LGI2: variants seen among roughly 807,000 people sequenced by gnomAD.
LGI2 encodes leucine-rich repeat LGI family member 2.
A neutral mutation model predicts 52.0 loss-of-function variants in LGI2; 30 were observed. The ratio of observed to expected loss-of-function variants is 0.58; its 90% CI spans 0.43 to 0.78. The LOEUF (loss-of-function observed/expected upper bound fraction) is 0.78, where lower values mean the gene tolerates loss of function less well. Among genes scored for constraint, LGI2 ranks in the 30% least tolerant of loss-of-function variants. The pLI, the probability that LGI2 is intolerant of heterozygous loss-of-function variation, is 0.00. For missense variants in LGI2, 573 were observed against 692.5 expected (o/e 0.83, Z 1.94); for synonymous variants, 270 against 271.8 (o/e 0.99, Z 0.06).
chr4:25,007,757 G>A (rs1010201887), intron 7 of LGI2, among the ~76,000 whole-genome samples: 1 of 152,184 alleles, frequency 6.6e-6, no homozygotes, highest in Non-Finnish European at 1.5e-5. Context: ...GGGTGAACAT[G>A]ACCATGGGTT....
chr4:25,006,994 TC>T (rs1290716409), intron 7 of LGI2, among the ~76,000 whole-genome samples: 1 of 150,876 alleles, frequency 6.6e-6, no homozygotes, highest in Non-Finnish European at 1.5e-5. Flanking sequence ...GTGCACATAT[TC>T]AAGTATTCTT....
rs1725241721 is a variant in LGI2 at position 25,001,657 on chromosome 4, A to G, written c.*1794T>C. ...GTATTTTGCAGAAGTTTCAAGTAAC[A>G]ACACTACTATGCGTGGGTGAGTTCG... is the stretch of plus-strand genomic sequence containing the variant. On this transcript the variant is annotated 3_prime_UTR_variant, in exon 8 of 8. Transcript: ENST00000382114. 6.6e-6 allele frequency: 1 copy of G among 152,194 alleles called. No individual in the cohort carries two copies. The highest frequency in any genetic ancestry group is 2.1e-4 in the South Asian group (1 of 4,824). The allele number at this position is 152,194 out of a possible 1,614,324, so 9.4% of individuals were successfully genotyped here. A position where few individuals can be genotyped will look rare whatever the true frequency, so the allele number is the denominator to read the frequency against.
chr4:24,993,100 T>C, the LGI2 span, among the ~76,000 whole-genome samples: 3 of 152,222 alleles, frequency 2.0e-5, no homozygotes, highest in Non-Finnish European at 4.4e-5. Flanking sequence ...TGATTGGACC[T>C]GCCTCACAGA....
At chr4:25,030,476 G>A in intron 1 of LGI2, 21 bp downstream of exon 1, 2 of 1,568,898 alleles carry the variant, frequency 1.3e-6, no homozygotes, top group South Asian at 1.2e-5. Context: ...ACGGGATGGG[G>A]GCTGGAGGGG....
At chr4:25,005,618 C>T (rs1471807028) in intron 7 of LGI2, among the ~76,000 whole-genome samples, 1 of 148,530 alleles carries the variant, frequency 6.7e-6, no homozygotes, top group Non-Finnish European at 1.5e-5. Flanking sequence ...CAGAAGGAGG[C>T]AGTTAAACAG....
downstream of LGI2, among the ~76,000 whole-genome samples, chr4:24,996,766 G>A (rs1014893930): frequency 6.6e-6 from 1 of 152,120 alleles, no homozygotes; most frequent in East Asian, 1.9e-4. Context: ...GATGGTGTGA[G>A]GTAAGGCACA....
chr4:25,019,386 T>A (rs1377400970), intron 4 of LGI2, 148 bp from the exon 5 acceptor site: 2 of 578,692 alleles, frequency 3.5e-6, no homozygotes, highest in Non-Finnish European at 6.1e-6. Context: ...AAATATAACA[T>A]AAGAGATGCT....
chr4:25,019,030 C>G, intron 5 of LGI2, 137 bp downstream of exon 5: 1 of 682,168 alleles, frequency 1.5e-6, no homozygotes, highest in Non-Finnish European at 2.6e-6. Context: ...ATGCTATTTC[C>G]CAGGATGCAC....
intron 3 of LGI2, among the ~76,000 whole-genome samples, chr4:25,025,356 G>A (rs1726111774): frequency 6.6e-6 from 1 of 152,104 alleles, no homozygotes; most frequent in Non-Finnish European, 1.5e-5. Flanking sequence ...TTTTGCTGGG[G>A]GAGAGTTCTA....
intron 7 of LGI2, among the ~76,000 whole-genome samples, chr4:25,010,000 C>T (rs780958216): frequency 4.6e-5 from 7 of 151,934 alleles, no homozygotes; most frequent in African/African-American, 7.3e-5. Flanking sequence ...TCAGAGTAAG[C>T]GTTCAAGAAA....
intron 6 of LGI2, among the ~76,000 whole-genome samples, chr4:25,017,773 A>C (rs73107597): frequency 0.019 from 2,898 of 152,250 alleles, 90 homozygotes; most frequent in African/African-American, 0.066. Flanking sequence ...TAAAGAAGCA[A>C]AAATAAAGCC....
chr4:25,014,872 A>C (rs567105575), intron 6 of LGI2, among the ~76,000 whole-genome samples: 4 of 150,882 alleles, frequency 2.7e-5, no homozygotes, highest in African/African-American at 9.7e-5. Flanking sequence ...AGAGAGAGAG[A>C]ATGAAAAGAA....
downstream of LGI2, among the ~76,000 whole-genome samples, chr4:24,994,439 G>A (rs532968347): frequency 7.2e-5 from 11 of 152,230 alleles, no homozygotes; most frequent in South Asian, 1.7e-3. Context: ...GAGGGAGTCC[G>A]GGAGCACAGT....
chr4:25,017,547 A>C (rs1725814963), intron 6 of LGI2, among the ~76,000 whole-genome samples: 2 of 150,038 alleles, frequency 1.3e-5, no homozygotes, highest in African/African-American at 2.4e-5. Flanking sequence ...GCCTCAAAAA[A>C]AAAAAAAAAA....
At chr4:25,006,495 T>C (rs928154650) in intron 7 of LGI2, among the ~76,000 whole-genome samples, 1 of 152,238 alleles carries the variant, frequency 6.6e-6, no homozygotes, top group African/African-American at 2.4e-5. Context: ...CAGAGTGGCA[T>C]TTACTTTTCT....
chr4:24,999,833 C>T lies in LGI2; in HGVS notation c.*3618G>A, dbSNP rs192416452. On this transcript the variant is annotated 3_prime_UTR_variant, in exon 8 of 8. Coordinates refer to ENST00000382114, the MANE Select transcript of LGI2 (RefSeq NM_018176.4). ...CAGTGTGCTTCCTGAAGGCTGATGA[C>T]GGCCGAGAGCAATTCATCACCACTC... 1.2e-4 allele frequency: 54 copies of T among 456,162 alleles called. No individual in the cohort carries two copies. The highest frequency in any genetic ancestry group is 1.9e-4 in the Non-Finnish European group (42 of 226,940). 28.3% of individuals were successfully genotyped at this position (456,162 alleles called of 1,614,324 possible). A position where few individuals can be genotyped will look rare whatever the true frequency, so the allele number is the denominator to read the frequency against.
At chr4:25,020,365 G>A (rs1394255654) in intron 4 of LGI2, among the ~76,000 whole-genome samples, 1 of 152,184 alleles carries the variant, frequency 6.6e-6, no homozygotes, top group Non-Finnish European at 1.5e-5. Context: ...GGATTTTGCA[G>A]TGCCCTGTCA....
chr4:24,997,666 T>C (rs773381663), downstream of LGI2, among the ~76,000 whole-genome samples: 2 of 152,190 alleles, frequency 1.3e-5, no homozygotes, highest in African/African-American at 2.4e-5. Context: ...CAGGTAGGCA[T>C]TCATACTGTT....
chr4:25,023,440 C>T (rs1030843102), intron 4 of LGI2, among the ~76,000 whole-genome samples: 3 of 152,228 alleles, frequency 2.0e-5, no homozygotes, highest in African/African-American at 7.2e-5. Flanking sequence ...ACAGATGTTT[C>T]GGCCTCCCAT....
Sources: allele counts gnomAD v4.1 joint callset (sites outside exome capture counted in the v4.1 genomes callset), GRCh38; gene constraint gnomAD v4.1.1; transcripts MANE v1.5; gene names NCBI Gene and HGNC (gene_info 2026-07-23, HGNC 2026-07-21).